Variants in PCDH15 observed in about 807,000 individuals in gnomAD.
PCDH15 encodes protocadherin related 15, also known as protocadherin-15.
A neutral mutation model predicts 178.5 loss-of-function variants in PCDH15; 129 were observed. That is an observed-to-expected ratio of 0.72 (90% CI 0.63 to 0.84). The LOEUF is 0.84. PCDH15 is among the 40% of genes least tolerant of loss of function. The probability of loss-of-function intolerance (pLI) is 0.00; values close to 1 mark genes in which losing one functional copy is unlikely to be tolerated. For synonymous variants in PCDH15, 800 were observed against 732.0 expected (o/e 1.09, Z -1.50); for missense variants, 2,230 against 2,099.9 (o/e 1.06, Z -1.21).
chr10:54,841,474 C>T (rs560046686), intron 3 of PCDH15, among the ~76,000 whole-genome samples: 68 of 151,580 alleles, frequency 4.5e-4, no homozygotes, highest in African/African-American at 1.6e-3. Flanking sequence ...AAATAAATAC[C>T]TAACTTTACA....
intron 2 of PCDH15, among the ~76,000 whole-genome samples, chr10:54,926,785 G>T (rs979149442): frequency 3.3e-5 from 5 of 151,904 alleles, no homozygotes; most frequent in African/African-American, 1.2e-4. Context: ...AATTCTTTGA[G>T]GTCTCTGGTA....
rs139071194 is a variant in PCDH15 at position 55,061,486 on chromosome 10, A to G, written c.-80+105090T>C. ...AAATGTTATAGCCACTTTAGAAGAC[A>G]GTTTGACAGCTTTTTACAACATTAA... On this transcript the variant is annotated intron_variant, in intron 2 of 5. Coordinates refer to the PCDH15 transcript ENST00000458638. Among the ~76,000 whole-genome samples the G allele has an allele frequency of 5.5e-3, 831 of 152,296 alleles. 12 individuals are homozygous for G. Among genetic ancestry groups the G allele is most frequent in the African/African-American group, 0.019 (809 of 41,570 alleles).
intron 2 of PCDH15, among the ~76,000 whole-genome samples, chr10:55,006,557 C>T (rs749332510): frequency 1.3e-5 from 2 of 152,064 alleles, no homozygotes; most frequent in Non-Finnish European, 2.9e-5. Flanking sequence ...GGGGGTGGAT[C>T]CTTCATGGCT....
intron 2 of PCDH15, among the ~76,000 whole-genome samples, chr10:54,996,132 G>T (rs551647593): frequency 2.6e-4 from 40 of 152,278 alleles, no homozygotes; most frequent in Non-Finnish European, 4.4e-4. Context: ...GGCTCAGACT[G>T]CAGTGGGCCA....
intron 2 of PCDH15, among the ~76,000 whole-genome samples, chr10:55,497,058 C>A (rs952457385): frequency 2.6e-5 from 4 of 151,556 alleles, no homozygotes; most frequent in Admixed American, 6.6e-5. Context: ...CAGGCTAGAA[C>A]AAATGAATTT....
chr10:54,214,023 A>G lies in PCDH15; in HGVS notation c.1011T>C (p.Phe337=), dbSNP rs746863424. The G allele has an allele frequency of 6.2e-7, 1 of 1,609,238 alleles. No individual in the cohort carries two copies. The highest frequency in any genetic ancestry group is 1.1e-5 in the South Asian group (1 of 90,974). The change falls in exon 10 of 38, where the codon TTT becomes TTC. Residue 337 remains phenylalanine, a synonymous_variant. Transcript: ENST00000644397. ...CTGCTGTCCTAGGATGCATATGGAAAAATCGTGGGTAATCCTCAGGAGTCC... is the reference window on the plus strand; with the variant it reads ...CTGCTGTCCTAGGATGCATATGGAAGAATCGTGGGTAATCCTCAGGAGTCC... The part of the protein sequence containing the change: ...LVGTPEDYPR[F]FHMHPRTAEL...
At chr10:54,791,919 G>A (rs1224653700) in intron 1 of PCDH15, among the ~76,000 whole-genome samples, 1 of 151,796 alleles carries the variant, frequency 6.6e-6, no homozygotes, top group East Asian at 1.9e-4. Context: ...ATGTGCATTA[G>A]GAAGACTTCT....
At chr10:53,939,816 C>A (rs1477893468) in intron 24 of PCDH15, among the ~76,000 whole-genome samples, 3 of 152,040 alleles carry the variant, frequency 2.0e-5, no homozygotes, top group African/African-American at 7.2e-5. Context: ...TATAGCCACT[C>A]TGCTGTCTTC....
In PCDH15 at chr10:54,314,082, A is replaced by G. The variant is rs376185040; in HGVS notation, c.876+3189T>C. Among the ~76,000 whole-genome samples the G allele has an allele frequency of 2.6e-5, 4 of 152,050 alleles. No individual in the cohort carries two copies. The East Asian group carries it at 7.7e-4, about 29-fold the overall frequency. ...GGAAACATAAATTAATACTAAAAAT[A>G]TATTTTTCTTTTTCCTTTTTTATAT... On this transcript the variant is annotated intron_variant, in intron 8 of 37. Coordinates refer to ENST00000644397, the MANE Select transcript of PCDH15 (RefSeq NM_001384140.1).
intron 2 of PCDH15, among the ~76,000 whole-genome samples, chr10:54,547,819 A>T (rs866157174): frequency 6.6e-5 from 10 of 152,044 alleles, no homozygotes; most frequent in Non-Finnish European, 1.2e-4. Flanking sequence ...GTGCTGTGTC[A>T]TGGGTATAGT....
At position 55,082,688 on chromosome 10, in the gene PCDH15, C is replaced by T. The variant is rs115838526; in HGVS notation, c.-80+83888G>A. 4.4e-3 allele frequency among the ~76,000 whole-genome samples: 657 copies of T among 150,698 alleles called. 7 individuals carry two copies. The highest frequency in any genetic ancestry group is 0.015 in the African/African-American group (612 of 41,264). On this transcript the variant is annotated intron_variant, in intron 2 of 5. Transcript: ENST00000458638. ...ACTAAAAAAGAAAAAAGAGAGAAGA[C>T]TCAAATAAATAAAATTAGAGATGAA... is the stretch of plus-strand genomic sequence containing the variant.
intron 2 of PCDH15, among the ~76,000 whole-genome samples, chr10:54,615,400 G>T (rs1316758879): frequency 6.6e-6 from 1 of 151,982 alleles, no homozygotes; most frequent in Non-Finnish European, 1.5e-5. Context: ...GGCAAGAAAT[G>T]GAATTAGAAG....
chr10:55,063,249 C>A (rs1205892381), intron 2 of PCDH15, among the ~76,000 whole-genome samples: 1 of 151,992 alleles, frequency 6.6e-6, no homozygotes, highest in African/African-American at 2.4e-5. Context: ...CTTAAAAAAC[C>A]TGGACGTTTT....
chr10:53,951,195 G>A (rs1589585865), intron 23 of PCDH15, among the ~76,000 whole-genome samples: 3 of 152,078 alleles, frequency 2.0e-5, no homozygotes, highest in Non-Finnish European at 4.4e-5. Flanking sequence ...TTTAAACAAA[G>A]ATATGCAATT....
In PCDH15 at chr10:54,423,455, T is replaced by C. The variant is rs995848903; in HGVS notation, c.158-44513A>G. Among the ~76,000 whole-genome samples the C allele has an allele frequency of 7.9e-5, 12 of 151,852 alleles. 1 individual carries two copies. The highest frequency in any genetic ancestry group is 2.9e-4 in the African/African-American group (12 of 41,182). ...TAAGAAAAGTCTTAGAGAAATATTT[T>C]GAAAAGAGATAGAAAGAAGAGTTGG... On this transcript the variant is annotated intron_variant, in intron 3 of 37. Transcript: ENST00000644397.
intron 1 of PCDH15, among the ~76,000 whole-genome samples, chr10:55,299,524 G>A (rs1217140957): frequency 1.3e-5 from 2 of 152,106 alleles, no homozygotes; most frequent in South Asian, 2.1e-4. Flanking sequence ...CACATAATTC[G>A]GGAGGGATCT....
At chr10:54,214,290 G>A (rs745866205) in intron 9 of PCDH15, among the ~76,000 whole-genome samples, 2 of 151,994 alleles carry the variant, frequency 1.3e-5, no homozygotes, top group African/African-American at 2.4e-5. Flanking sequence ...TATTAAGAGG[G>A]CTCTAATTAA....
chr10:55,238,274 C>G (rs907156870), intron 1 of PCDH15, among the ~76,000 whole-genome samples: 8 of 151,566 alleles, frequency 5.3e-5, no homozygotes, highest in African/African-American at 1.9e-4. Flanking sequence ...CTCAGCCTCC[C>G]GAGTAGTTGG....
chr10:54,906,071 G>A (rs1439472439), intron 2 of PCDH15, among the ~76,000 whole-genome samples: 1 of 152,130 alleles, frequency 6.6e-6, no homozygotes, highest in East Asian at 1.9e-4. Context: ...TAAGGTCAGA[G>A]TGAGCTTCCT....
Sources: allele counts gnomAD v4.1 joint callset (sites outside exome capture counted in the v4.1 genomes callset), GRCh38; gene constraint gnomAD v4.1.1; transcripts MANE v1.5; gene names NCBI Gene and HGNC (gene_info 2026-07-23, HGNC 2026-07-21).